Variants in TNNI3K observed in about 807,000 individuals in gnomAD.
The protein encoded by TNNI3K is TNNI3 interacting kinase, also known as serine/threonine-protein kinase TNNI3K.
In TNNI3K, 140 loss-of-function variants were observed where a neutral mutation model predicts 114.5. The observed-to-expected ratio is 1.22, with a 90% confidence interval of 1.07 to 1.41. The LOEUF is 1.41. TNNI3K is among the 40% of genes most tolerant of loss of function. The pLI, the probability that TNNI3K is intolerant of heterozygous loss-of-function variation, is 0.00. For missense variants in TNNI3K, 1,125 were observed against 1,007.6 expected (o/e 1.12, Z -1.58); for synonymous variants, 347 against 347.5 (o/e 1.00, Z 0.02).
intron 23 of TNNI3K, among the ~76,000 whole-genome samples, chr1:74,517,114 A>G (rs1040552324): frequency 6.6e-6 from 1 of 152,150 alleles, no homozygotes; most frequent in East Asian, 1.9e-4. Flanking sequence ...GATGCTGTTC[A>G]TTATTATGTA....
chr1:74,447,445 C>T (rs1478699925), intron 20 of TNNI3K, among the ~76,000 whole-genome samples: 16 of 145,232 alleles, frequency 1.1e-4, no homozygotes, highest in South Asian at 2.2e-4. Context: ...AAAAAGTGGG[C>T]GAAGGACATG....
At chr1:74,413,358 T>C (rs562007550) in intron 17 of TNNI3K, among the ~76,000 whole-genome samples, 1 of 152,310 alleles carries the variant, frequency 6.6e-6, no homozygotes, top group South Asian at 2.1e-4. Flanking sequence ...AGTCACACAA[T>C]ACATTGCACT....
intron 3 of TNNI3K, 27 bp from the exon 4 acceptor site, chr1:74,250,645 T>C: frequency 6.2e-7 from 1 of 1,605,262 alleles, no homozygotes; most frequent in Non-Finnish European, 8.5e-7. Context: ...CACAATGATT[T>C]AGCCTTTTTT....
intron 17 of TNNI3K, among the ~76,000 whole-genome samples, chr1:74,425,737 G>A (rs1260948313): frequency 6.6e-6 from 1 of 152,054 alleles, no homozygotes; most frequent in Non-Finnish European, 1.5e-5. Flanking sequence ...TATTTATTTA[G>A]AGAAAAAGTT....
At chr1:74,318,812 G>T (rs563470322) in intron 5 of TNNI3K, among the ~76,000 whole-genome samples, 3 of 152,192 alleles carry the variant, frequency 2.0e-5, no homozygotes, top group Non-Finnish European at 4.4e-5. Flanking sequence ...TAGCACAGTG[G>T]TTAGAATAGC....
chr1:74,532,000 A>G (rs1295419153), intron 23 of TNNI3K, among the ~76,000 whole-genome samples: 1 of 152,196 alleles, frequency 6.6e-6, no homozygotes, highest in Non-Finnish European at 1.5e-5. Context: ...ATAAAAACTA[A>G]TTGGACCAAT....
chr1:74,463,835 A>G (rs1407124348), intron 21 of TNNI3K, among the ~76,000 whole-genome samples: 1 of 152,178 alleles, frequency 6.6e-6, no homozygotes, highest in African/African-American at 2.4e-5. Flanking sequence ...ATTTTTATTA[A>G]CTACGCGTGA....
At chr1:74,282,181 T>G (rs1203805879) in intron 5 of TNNI3K, among the ~76,000 whole-genome samples, 1 of 151,950 alleles carries the variant, frequency 6.6e-6, no homozygotes, top group Non-Finnish European at 1.5e-5. Flanking sequence ...AGAGTTAGAT[T>G]AGAACACAGA....
chr1:74,384,382 G>C lies in TNNI3K; in HGVS notation c.1772+13990G>C, dbSNP rs1019691059. Among the ~76,000 whole-genome samples, 5 of 152,112 alleles carry C rather than the reference G, an allele frequency of 3.3e-5. No homozygotes were observed. In the South Asian group the frequency reaches 1.0e-3, roughly 31 times the overall value. On this transcript the variant is annotated intron_variant, in intron 17 of 24. Transcript: ENST00000326637. ...CTGATCTGATTTTCTGTTTTACTTA[G>C]GTGAAAAGTTAGTCAAACAAACTCG... is the stretch of plus-strand genomic sequence containing the variant.
At chr1:74,515,721 C>G (rs1646339814) in intron 23 of TNNI3K, among the ~76,000 whole-genome samples, 1 of 152,162 alleles carries the variant, frequency 6.6e-6, no homozygotes, top group South Asian at 2.1e-4. Flanking sequence ...ATGGAAATAA[C>G]TAAAAGCTGA....
chr1:74,357,723 C>A (rs1422573201), intron 11 of TNNI3K, among the ~76,000 whole-genome samples: 1 of 152,052 alleles, frequency 6.6e-6, no homozygotes, highest in Non-Finnish European at 1.5e-5. Context: ...ATTTATCTGC[C>A]AGAGTGCTTA....
chr1:74,489,689 C>T (rs1668953117), intron 22 of TNNI3K, among the ~76,000 whole-genome samples: 3 of 152,198 alleles, frequency 2.0e-5, no homozygotes, highest in Admixed American at 2.0e-4. Flanking sequence ...TGCTTTCACA[C>T]CACATATATG....
chr1:74,454,425 GTTCATT>G (rs1667148996), intron 20 of TNNI3K, among the ~76,000 whole-genome samples: 1 of 151,920 alleles, frequency 6.6e-6, no homozygotes, highest in African/African-American at 2.4e-5. Flanking sequence ...ATCTCCATGA[GTTCATT>G]TTTATTTAAG....
chr1:74,472,145 C>G (rs977034451), intron 21 of TNNI3K: 1 of 717,070 alleles, frequency 1.4e-6, no homozygotes, highest in African/African-American at 1.7e-5. Flanking sequence ...AGACTTTCTC[C>G]TGCCAAGGCT....
intron 9 of TNNI3K, among the ~76,000 whole-genome samples, chr1:74,348,887 A>C (rs1342720715): frequency 6.6e-6 from 1 of 152,214 alleles, no homozygotes; most frequent in East Asian, 1.9e-4. Flanking sequence ...CAGCTTAAGG[A>C]GATTTTGGGC....
At chr1:74,378,794 C>T (rs972370797) in intron 17 of TNNI3K, 6 of 150,892 alleles carry the variant, frequency 4.0e-5, no homozygotes, top group African/African-American at 1.5e-4. Context: ...TGTAGTCTAG[C>T]TGTGTGCCTA....
intron 17 of TNNI3K, among the ~76,000 whole-genome samples, chr1:74,413,973 T>G (rs928007255): frequency 6.6e-6 from 1 of 152,190 alleles, no homozygotes; most frequent in Non-Finnish European, 1.5e-5. Flanking sequence ...TACATCATTT[T>G]CCATGGCTAT....
At chr1:74,472,008 G>T in intron 21 of TNNI3K, 1 of 683,292 alleles carries the variant, frequency 1.5e-6, no homozygotes. Flanking sequence ...TTTGTACATA[G>T]TGTTCCTCAG....
At chr1:74,411,956 T>A (rs1313708153) in intron 17 of TNNI3K, among the ~76,000 whole-genome samples, 2 of 152,108 alleles carry the variant, frequency 1.3e-5, no homozygotes, top group Non-Finnish European at 2.9e-5. Flanking sequence ...TAAAATAAAA[T>A]AGTTTACATA....
Sources: gnomAD v4.1 joint callset for allele counts (sites outside exome capture counted in the v4.1 genomes callset) on GRCh38, gnomAD v4.1.1 for gene constraint, MANE v1.5 for transcripts, NCBI Gene and HGNC (gene_info 2026-07-23, HGNC 2026-07-21) for gene names.